The following ARHGEF3 variants were observed in gnomAD, a reference collection of about 807,000 sequenced individuals.
ARHGEF3 encodes the protein 59.8 kDA protein.
ARHGEF3 carries 28 observed loss-of-function variants against 63.2 expected under a neutral mutation model. That is an observed-to-expected ratio of 0.44 (90% CI 0.33 to 0.61). The LOEUF (loss-of-function observed/expected upper bound fraction) is 0.61, where lower values mean the gene tolerates loss of function less well. Ranked by LOEUF, ARHGEF3 falls within the 20% of genes least tolerant of loss-of-function variation. The pLI, the probability that ARHGEF3 is intolerant of heterozygous loss-of-function variation, is 0.03. For synonymous variants in ARHGEF3, 266 were observed against 254.2 expected, an observed-to-expected ratio of 1.05 and a Z score of -0.44; for missense variants, 533 against 659.3, an observed-to-expected ratio of 0.81 and a Z score of 2.10.
rs9311636 is a variant in ARHGEF3, at chr3:56,998,372, G to A, written c.62+36716C>T. On this transcript the variant is annotated intron_variant, in intron 2 of 12. Coordinates refer to the ARHGEF3 transcript ENST00000338458. ...AACACTCATTAAATAGGACCAGGAA[G>A]GTGGCTTGGCTCCTTCTCTTCCCGG... is the stretch of plus-strand genomic sequence containing the variant. Among the ~76,000 whole-genome samples, 1,085 of 151,936 alleles carry A rather than the reference G, an allele frequency of 7.1e-3. 9 individuals carry two copies. Among genetic ancestry groups the A allele is most frequent in the African/African-American group, 0.025 (1,033 of 41,438 alleles).
intron 2 of ARHGEF3, among the ~76,000 whole-genome samples, chr3:56,770,324 C>G (rs2035934793): frequency 6.6e-6 from 1 of 152,064 alleles, no homozygotes; most frequent in South Asian, 2.1e-4. Flanking sequence ...GCAGGAGAAT[C>G]ACTTGAACCC....
At chr3:57,001,831 C>T (rs1189939633) in intron 2 of ARHGEF3, among the ~76,000 whole-genome samples, 1 of 152,016 alleles carries the variant, frequency 6.6e-6, no homozygotes, top group Non-Finnish European at 1.5e-5. Context: ...TGTATCATTC[C>T]ACAAAGGAAT....
Position 57,004,768 on chromosome 3 carries a change from C to T in ARHGEF3, c.62+30320G>A, listed in dbSNP as rs538352563. Among the ~76,000 whole-genome samples, 289 of 152,166 alleles carry T rather than the reference C, an allele frequency of 1.9e-3. 2 individuals are homozygous for T. Among genetic ancestry groups the T allele is most frequent in the Non-Finnish European group, 3.2e-3 (215 of 68,020 alleles). On this transcript the variant is annotated intron_variant, in intron 2 of 12. Coordinates refer to the ARHGEF3 transcript ENST00000338458. ...ATTGCTTGAGGCAAGGAGTTCAAGA[C>T]CAGCCTAGGCAACATAGTGAGACCC...
chr3:56,757,476 G>GAA (rs113675052), intron 2 of ARHGEF3, among the ~76,000 whole-genome samples: 1 of 139,960 alleles, frequency 7.1e-6, no homozygotes, highest in African/African-American at 2.6e-5. Context: ...CTCCGTCTCA[G>GAA]AAAAAAAAAA....
intron 1 of ARHGEF3, among the ~76,000 whole-genome samples, chr3:56,774,841 G>A (rs768921144): frequency 3.9e-5 from 6 of 151,968 alleles, no homozygotes; most frequent in Non-Finnish European, 8.8e-5. Flanking sequence ...CCAGTGAGCC[G>A]AGATTGCGCC....
chr3:56,856,686 T>C (rs979028548), intron 4 of ARHGEF3, among the ~76,000 whole-genome samples: 2 of 143,172 alleles, frequency 1.4e-5, no homozygotes, highest in South Asian at 2.3e-4. Flanking sequence ...GCCAAATTCT[T>C]TTCCATCTTG....
At chr3:56,856,875 G>A (rs1168031119) in intron 4 of ARHGEF3, among the ~76,000 whole-genome samples, 1 of 151,552 alleles carries the variant, frequency 6.6e-6, no homozygotes, top group African/African-American at 2.4e-5. Flanking sequence ...TCTAAGTAAG[G>A]TCTAAGCAAT....
At chr3:57,033,510 AG>A (rs1156744088) in intron 2 of ARHGEF3, among the ~76,000 whole-genome samples, 2 of 152,194 alleles carry the variant, frequency 1.3e-5, no homozygotes, top group African/African-American at 2.4e-5. Flanking sequence ...TAGGCTAACA[AG>A]CATAGTATAA....
chr3:56,807,182 G>C (rs918815608), intron 4 of ARHGEF3, among the ~76,000 whole-genome samples: 6 of 152,186 alleles, frequency 3.9e-5, no homozygotes, highest in African/African-American at 1.4e-4. Flanking sequence ...CACCGCGCCA[G>C]GCCTGAGTTC....
At chr3:57,076,161 G>C (rs760946749) in intron 1 of ARHGEF3, among the ~76,000 whole-genome samples, 1 of 152,124 alleles carries the variant, frequency 6.6e-6, no homozygotes, top group Non-Finnish European at 1.5e-5. Context: ...TCCAGGAAAA[G>C]AACAAAAGAG....
chr3:56,802,594 G>C (rs74802055), upstream of ARHGEF3, among the ~76,000 whole-genome samples: 305 of 152,116 alleles, frequency 2.0e-3, no homozygotes, highest in Admixed American at 4.5e-3. Context: ...AAATTCCCTC[G>C]AGACCTTTCC....
At chr3:56,955,811 C>T (rs1700019846) in intron 3 of ARHGEF3, among the ~76,000 whole-genome samples, 1 of 152,174 alleles carries the variant, frequency 6.6e-6, no homozygotes, top group South Asian at 2.1e-4. Context: ...ACCATAATGA[C>T]AATTACAAAG....
chr3:56,986,435 C>T (rs1255594652), intron 2 of ARHGEF3, among the ~76,000 whole-genome samples: 2 of 152,166 alleles, frequency 1.3e-5, no homozygotes, highest in African/African-American at 4.8e-5. Flanking sequence ...AAAGGTTTGG[C>T]AACAGTGGGG....
At chr3:56,863,211 C>T (rs1248495457) in intron 4 of ARHGEF3, among the ~76,000 whole-genome samples, 2 of 151,896 alleles carry the variant, frequency 1.3e-5, no homozygotes, top group African/African-American at 4.8e-5. Context: ...GATCTCGGCA[C>T]ACTATAACCT....
chr3:56,900,501 C>T (rs1047000877), intron 3 of ARHGEF3, among the ~76,000 whole-genome samples: 19 of 151,966 alleles, frequency 1.3e-4, no homozygotes, highest in African/African-American at 3.1e-4. Flanking sequence ...CATGGTGGCA[C>T]GCACTGTAGT....
At chr3:56,868,906 T>C (rs913300669) in intron 4 of ARHGEF3, among the ~76,000 whole-genome samples, 3 of 152,170 alleles carry the variant, frequency 2.0e-5, no homozygotes, top group Non-Finnish European at 2.9e-5. Context: ...CCGTGTATGA[T>C]GTATGGCAGA....
At chr3:56,939,262 G>GT (rs1353237184) in intron 3 of ARHGEF3, among the ~76,000 whole-genome samples, 3 of 152,144 alleles carry the variant, frequency 2.0e-5, no homozygotes, top group Non-Finnish European at 4.4e-5. Flanking sequence ...AGAAAGGGAA[G>GT]TTTCGGCTTC....
intron 4 of ARHGEF3, among the ~76,000 whole-genome samples, chr3:56,877,780 G>A (rs2040637604): frequency 6.6e-6 from 1 of 152,166 alleles, no homozygotes; most frequent in Non-Finnish European, 1.5e-5. Flanking sequence ...ATGCAAAGCA[G>A]AAATAAACAT....
intron 3 of ARHGEF3, among the ~76,000 whole-genome samples, chr3:56,921,459 G>T (rs1347613287): frequency 7.5e-6 from 1 of 132,488 alleles, no homozygotes; most frequent in East Asian, 2.0e-4. Flanking sequence ...AGGTTATCAG[G>T]GAGGCATAAA....
Sources: allele counts gnomAD v4.1 joint callset (sites outside exome capture counted in the v4.1 genomes callset), GRCh38; gene constraint gnomAD v4.1.1; transcripts MANE v1.5; gene names NCBI Gene and HGNC (gene_info 2026-07-23, HGNC 2026-07-21).